The following COMMD10 variants were observed in gnomAD, a reference collection of about 807,000 sequenced individuals.
The protein encoded by COMMD10 is COMM domain containing 10, also known as COMM domain-containing protein 10.
COMMD10 carries 33 observed loss-of-function variants against 28.9 expected under a neutral mutation model. The observed-to-expected ratio is 1.14, with a 90% CI of 0.87 to 1.53. The LOEUF is 1.53. Ranked by LOEUF, COMMD10 falls within the 40% of genes most tolerant of loss-of-function variation. The probability of loss-of-function intolerance (pLI) is 0.00; values close to 1 mark genes in which losing one functional copy is unlikely to be tolerated. For missense variants in COMMD10, 310 were observed against 233.4 expected (o/e 1.33, Z -2.14); for synonymous variants, 110 against 81.7 (o/e 1.35, Z -1.87).
chr5:116,219,866 A>C (rs1406861205), intron 5 of COMMD10, among the ~76,000 whole-genome samples: 1 of 151,966 alleles, frequency 6.6e-6, no homozygotes, highest in Non-Finnish European at 1.5e-5. Flanking sequence ...TTACTTTGCT[A>C]TTTTTTTGTA....
chr5:116,176,266 C>T (rs1415222455), intron 5 of COMMD10, among the ~76,000 whole-genome samples: 5 of 152,174 alleles, frequency 3.3e-5, no homozygotes, highest in African/African-American at 1.2e-4. Flanking sequence ...CATGTGCCAC[C>T]ACGCCTAGCT....
At chr5:116,170,660 A>G (rs1753296543) in intron 5 of COMMD10, among the ~76,000 whole-genome samples, 3 of 152,298 alleles carry the variant, frequency 2.0e-5, no homozygotes, top group Non-Finnish European at 2.9e-5. Flanking sequence ...GGAACAGAAC[A>G]GAGGCCTCAG....
chr5:116,261,619 C>T (rs778913497), intron 5 of COMMD10, among the ~76,000 whole-genome samples: 3 of 151,716 alleles, frequency 2.0e-5, no homozygotes, highest in Non-Finnish European at 4.4e-5. Flanking sequence ...TTGACTCCTG[C>T]CTCTTCTTTC....
chr5:116,100,519 T>C (rs1006694868), intron 4 of COMMD10, among the ~76,000 whole-genome samples: 1 of 133,110 alleles, frequency 7.5e-6, no homozygotes, highest in Non-Finnish European at 1.6e-5. Flanking sequence ...GTCCAGTTCC[T>C]TTTTTTTTTT....
chr5:116,199,934 G>T (rs148980257), intron 5 of COMMD10, among the ~76,000 whole-genome samples: 2 of 151,682 alleles, frequency 1.3e-5, no homozygotes, highest in Non-Finnish European at 2.9e-5. Flanking sequence ...TAGGTTGTTG[G>T]GTTTTTTCCT....
Position 116,272,879 on chromosome 5 carries a change from A to G in COMMD10, c.511-18638A>G, listed in dbSNP as rs149962959. ...CTCTTAATTTCGGTTCTCTTAGGGCATGAACAAGATTATTTTTTTCCTCTC... is the reference window on the plus strand; with the variant it reads ...CTCTTAATTTCGGTTCTCTTAGGGCGTGAACAAGATTATTTTTTTCCTCTC... On this transcript the variant is annotated intron_variant, in intron 5 of 6. Transcript: ENST00000274458. Among the ~76,000 whole-genome samples the G allele has an allele frequency of 2.8e-3, 419 of 151,962 alleles. 13 individuals are homozygous for G. Among genetic ancestry groups the G allele is most frequent in the African/African-American group, 9.7e-3 (402 of 41,298 alleles).
chr5:116,085,436 T>C (rs749964109), intron 1 of COMMD10: 2 of 325,840 alleles, frequency 6.1e-6, no homozygotes, highest in South Asian at 6.3e-5. Context: ...CCGAATCACG[T>C]GGAACGGTAT....
At chr5:116,225,929 C>T (rs566137230) in intron 5 of COMMD10, among the ~76,000 whole-genome samples, 1 of 151,854 alleles carries the variant, frequency 6.6e-6, no homozygotes, top group African/African-American at 2.4e-5. Flanking sequence ...AGTCTCGTGC[C>T]TTCTGTGATT....
intron 5 of COMMD10, among the ~76,000 whole-genome samples, chr5:116,281,287 G>C (rs997727224): frequency 6.6e-6 from 1 of 151,692 alleles, no homozygotes; most frequent in Non-Finnish European, 1.5e-5. Context: ...CATCAAGTCA[G>C]ACCTTTCTGA....
At chr5:116,125,820 C>T (rs1751610527) in intron 4 of COMMD10, among the ~76,000 whole-genome samples, 1 of 152,112 alleles carries the variant, frequency 6.6e-6, no homozygotes, top group African/African-American at 2.4e-5. Flanking sequence ...GATACCCTTT[C>T]ATACTGAATG....
chr5:116,107,897 T>C (rs2112731853), intron 4 of COMMD10, among the ~76,000 whole-genome samples: 1 of 152,350 alleles, frequency 6.6e-6, no homozygotes, highest in African/African-American at 2.4e-5. Context: ...ATGTTGATAC[T>C]ATTCCTTTCT....
chr5:116,134,142 T>A lies in COMMD10; in HGVS notation c.474T>A (p.Ala158=), dbSNP rs1476294410. ...AAGCAAAACTAAAATCTCCTCAAGC[T>A]GTGTTACAACTCGGAGTGAACAATG... ...SAQAKLKSPQ[A]VLQLGVNNED... is the part of the protein sequence containing the mutation. The change falls in exon 5 of 7, where the codon GCT becomes GCA. Residue 158 remains alanine, a synonymous_variant. Coordinates refer to ENST00000274458, the MANE Select transcript of COMMD10 (RefSeq NM_016144.4). The A allele has an allele frequency of 5.6e-6, 9 of 1,611,070 alleles. No individual in the cohort carries two copies. The highest frequency in any genetic ancestry group is 7.6e-6 in the Non-Finnish European group (9 of 1,177,160).
intron 5 of COMMD10, among the ~76,000 whole-genome samples, chr5:116,189,944 T>A (rs1748296269): frequency 6.6e-6 from 1 of 152,128 alleles, no homozygotes; most frequent in South Asian, 2.1e-4. Context: ...CTCCCTTCAT[T>A]TTTCTTTGAA....
chr5:116,217,055 C>A (rs546153709), intron 5 of COMMD10, among the ~76,000 whole-genome samples: 1 of 151,490 alleles, frequency 6.6e-6, no homozygotes, highest in African/African-American at 2.4e-5. Flanking sequence ...ATTAAAAAAC[C>A]AGAGCTTTAC....
intron 6 of COMMD10, 118 bp downstream of exon 6, chr5:116,291,694 C>T (rs1452540597): frequency 1.8e-6 from 1 of 560,952 alleles, no homozygotes; most frequent in Non-Finnish European, 3.1e-6. Flanking sequence ...TTAAACTTCC[C>T]TTATAAAAGA....
chr5:116,111,434 T>TTTGCTGTGTCCTACAGGTTTTTGTG (rs1554084431), intron 4 of COMMD10, among the ~76,000 whole-genome samples: 20 of 150,818 alleles, frequency 1.3e-4, no homozygotes, highest in Non-Finnish European at 2.7e-4. Flanking sequence ...TAGCACTGGT[T>TTTGCTGTGTCCTACAGGTTTTTGTG]TTGCTGTGTC....
intron 5 of COMMD10, among the ~76,000 whole-genome samples, chr5:116,232,994 G>T (rs765816983): frequency 3.3e-5 from 5 of 152,116 alleles, no homozygotes; most frequent in African/African-American, 4.8e-5. Flanking sequence ...CGGCTAAATG[G>T]TGTGCCTGAA....
chr5:116,151,558 A>G (rs1462294470), intron 5 of COMMD10, among the ~76,000 whole-genome samples: 2 of 152,172 alleles, frequency 1.3e-5, no homozygotes, highest in African/African-American at 4.8e-5. Flanking sequence ...CTATTCAGAG[A>G]GTCAACTTCT....
At chr5:116,180,101 A>G (rs1305958051) in intron 5 of COMMD10, among the ~76,000 whole-genome samples, 2 of 152,096 alleles carry the variant, frequency 1.3e-5, no homozygotes, top group Admixed American at 6.6e-5. Context: ...AGAGCTTTCC[A>G]TATCTTTGGA....
Sources: gnomAD v4.1 joint callset for allele counts (sites outside exome capture counted in the v4.1 genomes callset) on GRCh38, gnomAD v4.1.1 for gene constraint, MANE v1.5 for transcripts, NCBI Gene and HGNC (gene_info 2026-07-23, HGNC 2026-07-21) for gene names.